PTPRD: variants seen among roughly 807,000 people sequenced by gnomAD.
PTPRD encodes protein tyrosine phosphatase receptor type D, also known as receptor-type tyrosine-protein phosphatase delta.
PTPRD carries 34 observed loss-of-function variants against 214.5 expected under a neutral mutation model. That is an observed-to-expected ratio of 0.16 (90% CI 0.12 to 0.21). PTPRD has a LOEUF of 0.21. PTPRD is among the 10% of genes least tolerant of loss of function. The pLI, the probability that PTPRD is intolerant of heterozygous loss-of-function variation, is 1.00. For synonymous variants in PTPRD, 1,128 were observed against 845.7 expected, an observed-to-expected ratio of 1.33 and a Z score of -5.79; for missense variants, 2,545 against 2,398.7, an observed-to-expected ratio of 1.06 and a Z score of -1.27.
intron 39 of PTPRD, among the ~76,000 whole-genome samples, chr9:8,368,632 T>C (rs146656750): frequency 1.8e-3 from 272 of 151,814 alleles, no homozygotes; most frequent in African/African-American, 6.0e-3. Context: ...TTTTGAGTTT[T>C]ACACTTTATA....
intron 5 of PTPRD, among the ~76,000 whole-genome samples, chr9:9,926,348 A>G (rs1036810078): frequency 6.6e-6 from 1 of 152,138 alleles, no homozygotes; most frequent in African/African-American, 2.4e-5. Flanking sequence ...ACAGAAAGGG[A>G]TCATCATCAT....
chr9:9,783,996 T>A (rs867786494), intron 5 of PTPRD, among the ~76,000 whole-genome samples: 1 of 151,886 alleles, frequency 6.6e-6, no homozygotes, highest in South Asian at 2.1e-4. Context: ...TCTTGGTGAG[T>A]CATGATAAAG....
intron 3 of PTPRD, among the ~76,000 whole-genome samples, chr9:10,330,789 G>A (rs986836823): frequency 6.6e-6 from 1 of 151,758 alleles, no homozygotes; most frequent in Non-Finnish European, 1.5e-5. Flanking sequence ...TATAGGCAGA[G>A]GGCAGCAAAA....
intron 37 of PTPRD, among the ~76,000 whole-genome samples, chr9:8,384,407 G>GA (rs984949819): frequency 6.6e-5 from 10 of 151,454 alleles, no homozygotes; most frequent in South Asian, 4.2e-4. Flanking sequence ...GGAAACTAGG[G>GA]AAAAAAAACC....
chr9:10,580,642 G>T (rs1350124228), intron 2 of PTPRD, among the ~76,000 whole-genome samples: 1 of 152,028 alleles, frequency 6.6e-6, no homozygotes, highest in Non-Finnish European at 1.5e-5. Flanking sequence ...AGTATTGGGT[G>T]TAACTCTCAT....
intron 8 of PTPRD, among the ~76,000 whole-genome samples, chr9:9,563,970 A>C (rs919766549): frequency 3.3e-5 from 5 of 152,122 alleles, no homozygotes; most frequent in Non-Finnish European, 4.4e-5. Flanking sequence ...TTAAAGAGGA[A>C]GTAAAAGACA....
chr9:9,791,145 TG>T (rs1310330187), intron 5 of PTPRD, among the ~76,000 whole-genome samples: 2 of 152,164 alleles, frequency 1.3e-5, no homozygotes, highest in African/African-American at 4.8e-5. Flanking sequence ...ACTGTCTTTT[TG>T]TTATGCTGCA....
rs1335766329 is a variant in PTPRD, at chr9:9,789,395, C to T, written c.-367-22544G>A. ...TTCACAGAATATAAATAAACTCAAA[C>T]AATAAATTACTTGCTCCAAAATATT... On this transcript the variant is annotated intron_variant, in intron 5 of 45. Coordinates refer to ENST00000381196, the MANE Select transcript of PTPRD (RefSeq NM_002839.4). Among the ~76,000 whole-genome samples the T allele has an allele frequency of 3.3e-5, 5 of 152,308 alleles. No homozygotes were observed. The East Asian group carries it at 7.7e-4, about 23-fold the overall frequency.
intron 4 of PTPRD, among the ~76,000 whole-genome samples, chr9:10,028,284 G>A (rs1179408865): frequency 6.6e-6 from 1 of 152,096 alleles, no homozygotes; most frequent in Admixed American, 6.6e-5. Flanking sequence ...TTTTTCTTTT[G>A]TAAATTGCTC....
At chr9:8,566,372 G>C (rs1324620351) in intron 14 of PTPRD, among the ~76,000 whole-genome samples, 1 of 152,134 alleles carries the variant, frequency 6.6e-6, no homozygotes, top group African/African-American at 2.4e-5. Context: ...ACAGACAGCA[G>C]ACTAGGATAC....
chr9:10,227,135 T>C (rs2099591468), intron 3 of PTPRD, among the ~76,000 whole-genome samples: 2 of 152,050 alleles, frequency 1.3e-5, no homozygotes, highest in Non-Finnish European at 2.9e-5. Context: ...AAGCTAATAT[T>C]GTAGCTTGTC....
chr9:8,563,718 G>T (rs888961250), intron 14 of PTPRD, among the ~76,000 whole-genome samples: 1 of 152,148 alleles, frequency 6.6e-6, no homozygotes, highest in African/African-American at 2.4e-5. Context: ...CTGGAACGCA[G>T]TGGCACAATC....
intron 2 of PTPRD, among the ~76,000 whole-genome samples, chr9:10,491,746 G>A (rs554053879): frequency 6.6e-6 from 1 of 151,780 alleles, no homozygotes; most frequent in Admixed American, 6.6e-5. Context: ...TAAGTTCCGG[G>A]ATATATGTGC....
chr9:9,592,752 G>C (rs2092864920), intron 7 of PTPRD, among the ~76,000 whole-genome samples: 2 of 151,888 alleles, frequency 1.3e-5, no homozygotes, highest in South Asian at 4.1e-4. Context: ...ATAGCAACAG[G>C]ATTATATGGC....
chr9:9,718,675 C>G (rs1484045128), intron 7 of PTPRD, among the ~76,000 whole-genome samples: 1 of 152,220 alleles, frequency 6.6e-6, no homozygotes, highest in African/African-American at 2.4e-5. Context: ...TGGACATGTC[C>G]CAATAGCTAA....
chr9:8,616,906 T>G (rs2095630049), intron 14 of PTPRD, among the ~76,000 whole-genome samples: 1 of 152,146 alleles, frequency 6.6e-6, no homozygotes, highest in Admixed American at 6.5e-5. Context: ...CATCCAGACC[T>G]TCAGTTGGCA....
chr9:9,997,325 G>A (rs1443793500), intron 4 of PTPRD, among the ~76,000 whole-genome samples: 3 of 141,856 alleles, frequency 2.1e-5, no homozygotes, highest in East Asian at 4.0e-4. Flanking sequence ...CACTCTTGTT[G>A]CCCAGTCTGG....
chr9:9,645,060 G>T (rs934767006), intron 7 of PTPRD, among the ~76,000 whole-genome samples: 1 of 152,188 alleles, frequency 6.6e-6, no homozygotes, highest in Non-Finnish European at 1.5e-5. Flanking sequence ...GACAGCAACT[G>T]CTAAAAGAGC....
intron 3 of PTPRD, among the ~76,000 whole-genome samples, chr9:10,312,240 AG>A (rs1315664859): frequency 6.6e-6 from 1 of 152,026 alleles, no homozygotes; most frequent in African/African-American, 2.4e-5. Context: ...TGGAATAAAA[AG>A]GTAAAGTAAA....
Sources: allele counts gnomAD v4.1 joint callset (sites outside exome capture counted in the v4.1 genomes callset), GRCh38; gene constraint gnomAD v4.1.1; transcripts MANE v1.5; gene names NCBI Gene and HGNC (gene_info 2026-07-23, HGNC 2026-07-21).